The following RHBDF1 variants were observed in gnomAD, a reference collection of about 807,000 sequenced individuals.
RHBDF1 encodes the protein inactive rhomboid protein 1.
Under a neutral mutation model 98.6 loss-of-function variants are expected in RHBDF1, and 80 were observed. That is an observed-to-expected ratio of 0.81 (90% confidence interval 0.68 to 0.98). RHBDF1 has a LOEUF of 0.98. Among genes scored for constraint, RHBDF1 ranks in the 50% least tolerant of loss-of-function variants. The pLI, the probability that RHBDF1 is intolerant of heterozygous loss-of-function variation, is 0.00. For synonymous variants in RHBDF1, 512 were observed against 486.8 expected, an observed-to-expected ratio of 1.05 and a Z score of -0.68; for missense variants, 1,116 against 1,198.3, an observed-to-expected ratio of 0.93 and a Z score of 1.01.
chr16:72,514 G>T lies in RHBDF1; in HGVS notation c.-26C>A. 1 of 832,992 alleles carries T rather than the reference G, an allele frequency of 1.2e-6. No homozygotes were observed. Among genetic ancestry groups the T allele is most frequent in the Non-Finnish European group, 1.3e-6 (1 of 760,952 alleles). The allele number at this position is 832,992 out of a possible 1,614,324, so 51.6% of individuals were successfully genotyped here. ...GCGCTCCCGGCCGCGCTCACTCACT[G>T]CCGCCGCCGGGGGCTCTGGGGGGTC... On this transcript the variant is annotated splice_region_variant and 5_prime_UTR_variant, in exon 1 of 18. Coordinates refer to ENST00000262316, the MANE Select transcript of RHBDF1 (RefSeq NM_022450.5).
In RHBDF1 at chr16:72,553, G is replaced by C; in HGVS notation, c.-65C>G. The C allele has an allele frequency of 1.2e-6, 1 of 830,866 alleles. No homozygotes were observed. Among genetic ancestry groups the C allele is most frequent in the Non-Finnish European group, 1.3e-6 (1 of 759,740 alleles). The allele number at this position is 830,866 out of a possible 1,614,324, so 51.5% of individuals were successfully genotyped here. ...CTCTGGGGGGTCCTGAGGGCGCCGGGGAGGAGGCTGCCGCCGCTGGCCGGG... is the reference window on the plus strand; with the variant it reads ...CTCTGGGGGGTCCTGAGGGCGCCGGCGAGGAGGCTGCCGCCGCTGGCCGGG... On this transcript the variant is annotated 5_prime_UTR_variant, in exon 1 of 18. Transcript: ENST00000262316.
chr16:59,624 C>T, intron 14 of RHBDF1, 108 bp downstream of exon 14: 1 of 1,492,966 alleles, frequency 6.7e-7, no homozygotes, highest in Non-Finnish European at 9.1e-7. Context: ...TCTAACCCCA[C>T]ATCCTTGGTA....
Position 72,608 on chromosome 16 carries a change from C to G in RHBDF1, c.-120G>C. 2.1e-5 allele frequency: 21 copies of G among 977,208 alleles called. No homozygotes were observed. The highest frequency in any genetic ancestry group is 2.5e-5 in the Non-Finnish European group (21 of 825,280). 60.5% of individuals were successfully genotyped at this position (977,208 alleles called of 1,614,324 possible). Reference sequence around the variant, plus strand: ...CCCGCGCCGAGTCCCCGCCCGCCCGCCGGTCCGGCCCGCCCGGGAATGCCC... The same window carrying G: ...CCCGCGCCGAGTCCCCGCCCGCCCGGCGGTCCGGCCCGCCCGGGAATGCCC... On this transcript the variant is annotated 5_prime_UTR_variant, in exon 1 of 18. Transcript: ENST00000262316.
At chr16:75,366 C>T (rs984358679), upstream of RHBDF1, among the ~76,000 whole-genome samples, 3 of 152,222 alleles carry the variant, frequency 2.0e-5, no homozygotes, top group Non-Finnish European at 4.4e-5. Flanking sequence ...CTCTGCTACC[C>T]CAGAATCCTC....
chr16:62,042 G>A lies in RHBDF1; in HGVS notation c.964C>T (p.Arg322Ter). The A allele has an allele frequency of 6.7e-7, 1 of 1,489,928 alleles. No individual in the cohort carries two copies. The highest frequency in any genetic ancestry group is 8.9e-7 in the Non-Finnish European group (1 of 1,123,910). The allele number at this position is 1,489,928 out of a possible 1,614,324, so 92.3% of individuals were successfully genotyped here. A position where few individuals can be genotyped will look rare whatever the true frequency, so the allele number is the denominator to read the frequency against. The change falls in exon 8 of 18, where the codon CGA becomes TGA. Residue 322 changes from arginine to a stop codon, truncating the protein, a stop_gained. Coordinates refer to ENST00000262316, the MANE Select transcript of RHBDF1 (RefSeq NM_022450.5). LOFTEE classifies it high-confidence loss of function. Reference protein sequence around the residue: ...ERSHLMLPLERGWRKQKEGAA... With the variant: ...ERSHLMLPLE ...CCCTCCTTCTGCTTCCGCCAGCCTC[G>A]CTCCAAGGGCCTGGAGGGAGCCGGC...
chr16:64,577 C>G (rs1389536561), intron 3 of RHBDF1, 122 bp downstream of exon 3: 6 of 1,540,848 alleles, frequency 3.9e-6, no homozygotes, highest in South Asian at 1.3e-5. Flanking sequence ...TGGTGGGGAC[C>G]GAGATGGAGG....
chr16:59,907 G>A (rs1897544665), intron 13 of RHBDF1, 81 bp from the exon 14 acceptor site: 5 of 1,599,744 alleles, frequency 3.1e-6, no homozygotes, highest in Non-Finnish European at 4.3e-6. Context: ...TAGAGGCAAA[G>A]ATGGGTGGGC....
chr16:59,950 C>G, intron 13 of RHBDF1, 124 bp from the exon 14 acceptor site: 1 of 1,521,190 alleles, frequency 6.6e-7, no homozygotes, highest in Non-Finnish European at 8.8e-7. Context: ...GCTTCCTTGA[C>G]TTCAAGCAGG....
At position 61,817 on chromosome 16, in the gene RHBDF1, C is replaced by T; in HGVS notation, c.1189G>A (p.Glu397Lys). 2 of 1,612,794 alleles carry T rather than the reference C, an allele frequency of 1.2e-6. No individual in the cohort carries two copies. The highest frequency in any genetic ancestry group is 1.7e-6 in the Non-Finnish European group (2 of 1,179,750). The change falls in exon 8 of 18, where the codon GAG (glutamate) becomes AAG (lysine). Residue 397 changes from glutamate to lysine, a missense_variant. By Grantham distance (56) the Glu-to-Lys change is moderately conservative. Transcript: ENST00000262316. The stretch of plus-strand genomic sequence containing the variant: ...GCCTACCTGTGGTCGTCCATGTCCT[C>T]GATCTGGCGCTTGACGAAGCTGTCG... ...RIDSFVKRQI[E>K]DMDDHRPFFT...
chr16:63,075 G>A lies in RHBDF1; in HGVS notation c.570C>T (p.Cys190=), dbSNP rs1596470318. ...TPVTPGAASL[C]SFSSSRSGFH... ...AACCTGAGCGGGAGCTGGAGAAGGA[G>A]CAGAGGGAGGCAGCACCCGGCGTGA... The change falls in exon 5 of 18, where the codon TGC becomes TGT. Residue 190 remains cysteine, a synonymous_variant. Coordinates refer to ENST00000262316, the MANE Select transcript of RHBDF1 (RefSeq NM_022450.5). The A allele has an allele frequency of 3.7e-6, 6 of 1,612,288 alleles. No homozygotes were observed. Among genetic ancestry groups the A allele is most frequent in the Non-Finnish European group, 5.1e-6 (6 of 1,179,556 alleles).
Position 59,154 on chromosome 16 carries a change from G to A in RHBDF1, c.1995-27C>T, listed in dbSNP as rs775844672. ...TGTAGTCAGTAGCAGGCGGGGGTCGGGAGACATTCAGCAGGGAAGTGACCT... is the reference window on the plus strand; with the variant it reads ...TGTAGTCAGTAGCAGGCGGGGGTCGAGAGACATTCAGCAGGGAAGTGACCT... On this transcript the variant is annotated intron_variant, in intron 16 of 17. Coordinates refer to ENST00000262316, the MANE Select transcript of RHBDF1 (RefSeq NM_022450.5). The A allele has an allele frequency of 8.7e-6, 14 of 1,607,424 alleles. No homozygotes were observed. The South Asian group carries it at 1.5e-4, about 18-fold the overall frequency.
rs142176117 is a variant in RHBDF1, at chr16:60,698, C to A, written c.1558-159G>T. On this transcript the variant is annotated intron_variant, in intron 11 of 17. Coordinates refer to ENST00000262316, the MANE Select transcript of RHBDF1 (RefSeq NM_022450.5). ...ACGTGCATGTTGGAAAAGACTCTTA[C>A]AAGGAGTTTGACGGCATAATTCCTG... is the stretch of plus-strand genomic sequence containing the variant. The A allele has an allele frequency of 3.7e-5, 22 of 602,466 alleles. No homozygotes were observed. The African/African-American group carries it at 4.1e-4, about 11-fold the overall frequency. 37.3% of individuals were successfully genotyped at this position (602,466 alleles called of 1,614,324 possible).
chr16:62,970 C>A lies in RHBDF1; in HGVS notation c.672+3G>T. 6.2e-7 allele frequency: 1 copy of A among 1,612,072 alleles called. No homozygotes were observed. Among genetic ancestry groups the A allele is most frequent in the South Asian group, 1.1e-5 (1 of 91,014 alleles). On this transcript the variant is annotated splice_donor_region_variant and intron_variant, in intron 5 of 17. Coordinates refer to ENST00000262316, the MANE Select transcript of RHBDF1 (RefSeq NM_022450.5). ...CAACCCCGCCTTTGGCCCCTGCACC[C>A]ACTTTCATCAGCGCTGCGGCCGCCC...
At chr16:59,605 C>G in intron 14 of RHBDF1, 111 bp from the exon 15 acceptor site, 1 of 1,476,178 alleles carries the variant, frequency 6.8e-7, no homozygotes. Flanking sequence ...CAAGGAAGTC[C>G]AGACCCCCTC....
At chr16:73,384 C>A (rs1375308931), upstream of RHBDF1, among the ~76,000 whole-genome samples, 1 of 152,174 alleles carries the variant, frequency 6.6e-6, no homozygotes, top group Non-Finnish European at 1.5e-5. Context: ...TCAGCAGAGG[C>A]AGCGCAGTGT....
chr16:58,549 AGAAGGC>A lies in RHBDF1; in HGVS notation c.2353_2358del (p.Ala785_Phe786del). On this transcript the variant is annotated inframe_deletion, in exon 18 of 18. Transcript: ENST00000262316. ...AACTTGCCAAAGCTGATGTAGGGCA[AGAAGGC>A]GAAGGAGAGGAAGAGGCCACTGATG... 2 of 1,613,962 alleles carry A rather than the reference AGAAGGC, an allele frequency of 1.2e-6. No homozygotes were observed. The highest frequency in any genetic ancestry group is 1.1e-5 in the South Asian group (1 of 91,080).
chr16:72,423 C>G (rs1340187716), intron 1 of RHBDF1, 90 bp downstream of exon 1: 1 of 625,274 alleles, frequency 1.6e-6, no homozygotes, highest in South Asian at 7.0e-5. Context: ...AGCTCCGGCC[C>G]CGGGTGCTGA....
At chr16:73,119 C>T (rs1178985508), upstream of RHBDF1, among the ~76,000 whole-genome samples, 1 of 152,202 alleles carries the variant, frequency 6.6e-6, no homozygotes, top group East Asian at 1.9e-4. Context: ...CACAATCATA[C>T]ACACACGTCC....
chr16:72,055 T>C (rs1252650518), intron 1 of RHBDF1, among the ~76,000 whole-genome samples: 2 of 152,160 alleles, frequency 1.3e-5, no homozygotes, highest in Admixed American at 6.5e-5. Flanking sequence ...CATCCCGCCC[T>C]GGGCTGGAGT....
Sources: gnomAD v4.1 joint callset for allele counts (sites outside exome capture counted in the v4.1 genomes callset) on GRCh38, gnomAD v4.1.1 for gene constraint, MANE v1.5 for transcripts, NCBI Gene and HGNC (gene_info 2026-07-23, HGNC 2026-07-21) for gene names.